Variants in RNF123 observed in about 807,000 individuals in gnomAD.
RNF123 encodes the protein E3 ubiquitin-protein ligase RNF123.
Under a neutral mutation model 168.5 loss-of-function variants are expected in RNF123, and 86 were observed. The ratio of observed to expected loss-of-function variants is 0.51; its 90% CI spans 0.43 to 0.61. The LOEUF (loss-of-function observed/expected upper bound fraction) is 0.61. Ranked by LOEUF, RNF123 falls within the 20% of genes least tolerant of loss-of-function variation. RNF123 has a pLI of 0.00. For missense variants in RNF123, 1,419 were observed against 1,729.7 expected, an observed-to-expected ratio of 0.82 and a Z score of 3.19; for synonymous variants, 666 against 689.1, an observed-to-expected ratio of 0.97 and a Z score of 0.52.
chr3:49,702,012 G>T, intron 17 of RNF123, 71 bp from the exon 18 acceptor site: 1 of 1,572,590 alleles, frequency 6.4e-7, no homozygotes, highest in Non-Finnish European at 8.7e-7. Flanking sequence ...AACCCTGGTG[G>T]TGGAGCCCTG....
intron 35 of RNF123, chr3:49,716,733 C>A: frequency 2.1e-6 from 1 of 475,006 alleles, no homozygotes; most frequent in Non-Finnish European, 3.8e-6. Flanking sequence ...GGCCATGCCT[C>A]AGGCCAGGCA....
At chr3:49,720,466 C>A in intron 35 of RNF123, 45 bp from the exon 36 acceptor site, 1 of 1,505,346 alleles carries the variant, frequency 6.6e-7, no homozygotes, top group Non-Finnish European at 8.9e-7. Context: ...GACTTTTAGC[C>A]AGGCCCCAAG....
Position 49,699,402 on chromosome 3 carries a change from GGGCAGTGGAGAGGGAGTA to G in RNF123, c.765-61_765-44del. The G allele has an allele frequency of 7.4e-7, 1 of 1,353,956 alleles. No homozygotes were observed. The allele number at this position is 1,353,956 out of a possible 1,614,324, so 83.9% of individuals were successfully genotyped here. ...GAGCCCAGGCCCCGGGGTGGGGGGT[GGGCAGTGGAGAGGGAGTA>G]GGCATGTCTGAGCCACAGATAAGGC... On this transcript the variant is annotated intron_variant, in intron 10 of 38. Transcript: ENST00000327697. The surrounding 1 kb of genome is among the most constrained non-coding windows in gnomAD (Gnocchi z 4.8).
rs770782106 is a variant in RNF123 at position 49,691,190 on chromosome 3, T to C, written c.25T>C (p.Ser9Pro). 6.2e-7 allele frequency: 1 copy of C among 1,613,940 alleles called. No individual in the cohort carries two copies. Among genetic ancestry groups the C allele is most frequent in the Non-Finnish European group, 8.5e-7 (1 of 1,179,824 alleles). Reference sequence around the variant, plus strand: ...GATGGCATCCAAGGGGGCCGGCATGTCTTTCTCCCGCAAGAGCTATAGGCT... The same window carrying C: ...GATGGCATCCAAGGGGGCCGGCATGCCTTTCTCCCGCAAGAGCTATAGGCT... MASKGAGMSFSRKSYRLTS... is the reference protein window; with the variant it reads MASKGAGMPFSRKSYRLTS... The change falls in exon 2 of 39, where the codon TCT (serine) becomes CCT (proline). Residue 9 changes from serine to proline, a missense_variant. This residue lies in a region of RNF123 where 318 missense variants were observed against 446.6 expected (regional missense o/e 0.71). Transcript: ENST00000327697.
rs1172653378 is a variant in RNF123 at position 49,698,896 on chromosome 3, G to A, written c.638+74G>A. On this transcript the variant is annotated intron_variant, in intron 9 of 38. Coordinates refer to ENST00000327697, the MANE Select transcript of RNF123 (RefSeq NM_022064.5). ...GACTGCCCCCAGTTTCCTGGGCCCT[G>A]TAAGGGGCCAGACTGAGTTTGATAG... 3.7e-6 allele frequency: 6 copies of A among 1,605,886 alleles called. No homozygotes were observed. The African/African-American group carries it at 8.1e-5, about 22-fold the overall frequency.
intron 6 of RNF123, 29 bp from the exon 7 acceptor site, chr3:49,698,023 C>T (rs1388862123): frequency 6.2e-7 from 1 of 1,613,068 alleles, no homozygotes; most frequent in Middle Eastern, 1.6e-4. Context: ...TCTTTGTCCA[C>T]CTCGTGGCCC....
chr3:49,716,221 G>T, intron 34 of RNF123, 44 bp downstream of exon 34: 1 of 1,601,382 alleles, frequency 6.2e-7, no homozygotes, highest in South Asian at 1.1e-5. Context: ...TACAGGCCTC[G>T]GTTCCTCTGC....
chr3:49,720,475 A>AGG (rs2080377978), intron 35 of RNF123, 36 bp from the exon 36 acceptor site: 2 of 1,515,062 alleles, frequency 1.3e-6, no homozygotes, highest in East Asian at 4.6e-5. Flanking sequence ...CCAGGCCCCA[A>AGG]GCCTTCTGAC....
rs1001926363 is a variant in RNF123 at position 49,689,596 on chromosome 3, C to G, written c.-47C>G. 1 of 152,488 alleles carries G rather than the reference C, an allele frequency of 6.6e-6. No individual in the cohort carries two copies. The highest frequency in any genetic ancestry group is 1.5e-5 in the Non-Finnish European group (1 of 68,230). 9.4% of individuals were successfully genotyped at this position (152,488 alleles called of 1,614,324 possible). A position where few individuals can be genotyped will look rare whatever the true frequency, so the allele number is the denominator to read the frequency against. On this transcript the variant is annotated 5_prime_UTR_variant, in exon 1 of 39. Transcript: ENST00000327697. ...ATGTTGTGAGCCGGGTCGCTGCGGC[C>G]GAGGCTCCGGGTGAGTGAGGGGCGG...
chr3:49,716,685 A>C, intron 35 of RNF123: 1 of 525,440 alleles, frequency 1.9e-6, no homozygotes, highest in South Asian at 2.2e-5. Flanking sequence ...GGACCCCAGC[A>C]GGACAGGTGG....
rs1391681503 is a variant in RNF123 at position 49,698,446 on chromosome 3, G to A, written c.490G>A (p.Val164Ile). 6.2e-7 allele frequency: 1 copy of A among 1,613,770 alleles called. No homozygotes were observed. Among genetic ancestry groups the A allele is most frequent in the Non-Finnish European group, 8.5e-7 (1 of 1,179,948 alleles). Residue 164 changes from valine (V) to isoleucine (I), a missense_variant, in exon 8 of 39, where the codon GTT (valine) becomes ATT (isoleucine). Around this residue, in one of 5 missense-constraint regions of RNF123, gnomAD observed 318 missense variants for 446.6 expected, o/e 0.71. Coordinates refer to ENST00000327697, the MANE Select transcript of RNF123 (RefSeq NM_022064.5). ...ISCRFNQEEG[V>I]GDTHNSYAYD... ...ATAGGCATTTCCTCCCTAGGAGGGG[G>A]TTGGAGATACACACAACTCCTATGC...
At position 49,699,177 on chromosome 3, in the gene RNF123, CCCAGGGGTG is replaced by C. The variant is rs1407242861; in HGVS notation, c.764+76_764+84del. The C allele has an allele frequency of 6.5e-7, 1 of 1,546,796 alleles. No individual in the cohort carries two copies. The highest frequency in any genetic ancestry group is 8.7e-7 in the Non-Finnish European group (1 of 1,145,826). On this transcript the variant is annotated intron_variant, in intron 10 of 38. Coordinates refer to ENST00000327697, the MANE Select transcript of RNF123 (RefSeq NM_022064.5). The surrounding 1 kb of genome is among the most constrained non-coding windows in gnomAD (Gnocchi z 4.8). ...GAGGCTGGGATGAGGGGCTCCCTAC[CCCAGGGGTG>C]CCATGGGCTGGTGGCAGGCCCTGGC...
chr3:49,717,811 T>A (rs1313000598), intron 35 of RNF123: 1 of 878,252 alleles, frequency 1.1e-6, no homozygotes, highest in African/African-American at 1.7e-5. Flanking sequence ...AGAAGGCCCA[T>A]TGTGTTTCGA....
chr3:49,716,978 A>C (rs1333617274), intron 35 of RNF123: 1 of 158,278 alleles, frequency 6.3e-6, no homozygotes, highest in Non-Finnish European at 1.4e-5. Flanking sequence ...CAGTGGGAGC[A>C]GTGAGATGCA....
Position 49,713,718 on chromosome 3 carries a change from G to GGCAC in RNF123, c.2750-18_2750-15dup, listed in dbSNP as rs2080187449. The GGCAC allele has an allele frequency of 8.8e-6, 14 of 1,587,152 alleles. No homozygotes were observed. Among genetic ancestry groups the GGCAC allele is most frequent in the African/African-American group, 2.7e-5 (2 of 74,288 alleles). The stretch of plus-strand genomic sequence containing the variant: ...AGGGCTCATGCCAAGCCCCTGCTGA[G>GGCAC]GCACGGTGTGTCCCCGCAGACATCC... On this transcript the variant is annotated intron_variant, in intron 28 of 38. Coordinates refer to ENST00000327697, the MANE Select transcript of RNF123 (RefSeq NM_022064.5).
intron 35 of RNF123, chr3:49,718,932 G>A (rs1037804686): frequency 1.9e-6 from 3 of 1,613,744 alleles, no homozygotes; most frequent in African/African-American, 2.7e-5. Context: ...CGCTCAGACC[G>A]TGCAGGTGGT....
In RNF123 at chr3:49,716,124, G is replaced by A. The variant is rs146969257; in HGVS notation, c.3362G>A (p.Arg1121Gln). 1.2e-6 allele frequency: 2 copies of A among 1,613,680 alleles called. No homozygotes were observed. Among genetic ancestry groups the A allele is most frequent in the Non-Finnish European group, 1.7e-6 (2 of 1,179,924 alleles). ...CAGCTGCTAAACCAGGTGCTGAACC[G>A]GGTGACAGCTGAGAGGAACCTGTTT... is the stretch of plus-strand genomic sequence containing the variant. The part of the protein sequence containing the change: ...LAQLLNQVLN[R>Q]VTAERNLFDR... The change falls in exon 34 of 39, where the codon CGG (arginine) becomes CAG (glutamine). Residue 1121 changes from arginine to glutamine, a missense_variant. Transcript: ENST00000327697.
At chr3:49,709,467 A>G (rs2080100236) in intron 26 of RNF123, among the ~76,000 whole-genome samples, 1 of 151,856 alleles carries the variant, frequency 6.6e-6, no homozygotes, top group Non-Finnish European at 1.5e-5. Context: ...CGCCCGGCTA[A>G]TTTTTTGTAT....
At chr3:49,706,445 A>C (rs943117515) in intron 25 of RNF123, among the ~76,000 whole-genome samples, 5 of 152,180 alleles carry the variant, frequency 3.3e-5, no homozygotes, top group Admixed American at 3.3e-4. Flanking sequence ...GTCCAGGCTG[A>C]GCTTCCCTGA....
Sources: gnomAD v4.1 joint callset for allele counts (sites outside exome capture counted in the v4.1 genomes callset) on GRCh38, gnomAD v4.1.1 for gene constraint, gnomAD v4.1.1 regional missense constraint, Gnocchi (gnomAD v3.1) non-coding constraint, MANE v1.5 for transcripts, NCBI Gene and HGNC (gene_info 2026-07-23, HGNC 2026-07-21) for gene names.